Variants in FRMPD1 observed in about 807,000 individuals in gnomAD.
FRMPD1 encodes FERM and PDZ domain containing 1.
FRMPD1 carries 76 observed loss-of-function variants against 117.8 expected under a neutral mutation model. The observed-to-expected ratio is 0.65, with a 90% CI of 0.54 to 0.78. FRMPD1 has a LOEUF of 0.78. Ranked by LOEUF, FRMPD1 falls within the 30% of genes least tolerant of loss-of-function variation. The pLI is 0.00. For synonymous variants in FRMPD1, 783 were observed against 770.4 expected (o/e 1.02, Z -0.27); for missense variants, 1,786 against 1,964.5 (o/e 0.91, Z 1.72).
chr9:37,633,283 C>T, the FRMPD1 span, among the ~76,000 whole-genome samples: 9 of 152,146 alleles, frequency 5.9e-5, no homozygotes, highest in East Asian at 5.8e-4. Flanking sequence ...TCAAGTGATT[C>T]GCCCTCCTCA....
chr9:37,692,057 TAAG>T (rs1341232220), intron 1 of FRMPD1, among the ~76,000 whole-genome samples: 1 of 151,700 alleles, frequency 6.6e-6, no homozygotes, highest in Non-Finnish European at 1.5e-5. Context: ...TTTATTATGA[TAAG>T]AACACTTGAG....
chr9:37,722,976 C>T (rs1823463320), intron 6 of FRMPD1, among the ~76,000 whole-genome samples: 1 of 152,142 alleles, frequency 6.6e-6, no homozygotes, highest in Admixed American at 6.5e-5. Flanking sequence ...TGGCATGGGG[C>T]CACCCAACAC....
intron 1 of FRMPD1, among the ~76,000 whole-genome samples, chr9:37,665,101 A>C (rs901521022): frequency 6.6e-6 from 1 of 152,212 alleles, no homozygotes; most frequent in Non-Finnish European, 1.5e-5. Flanking sequence ...AATAAACAAT[A>C]ATGTTGTAGA....
In FRMPD1 at chr9:37,650,989, T is replaced by C. The variant is rs1309711365; in HGVS notation, c.-110T>C. 6.6e-6 allele frequency: 1 copy of C among 151,702 alleles called. No individual in the cohort carries two copies. Among genetic ancestry groups the C allele is most frequent in the Admixed American group, 6.6e-5 (1 of 15,244 alleles). The allele number at this position is 151,702 out of a possible 1,614,324, so 9.4% of individuals were successfully genotyped here. Reference sequence around the variant, plus strand: ...CGAGCCGAGCCCGAGCAGCGCTGCTTCCCGAGCCTTGGCCGCGACCGTGCC... The same window carrying C: ...CGAGCCGAGCCCGAGCAGCGCTGCTCCCCGAGCCTTGGCCGCGACCGTGCC... On this transcript the variant is annotated 5_prime_UTR_variant, in exon 1 of 16. Transcript: ENST00000377765.
intron 2 of FRMPD1, among the ~76,000 whole-genome samples, chr9:37,697,763 T>A (rs1227965688): frequency 3.3e-5 from 5 of 152,236 alleles, no homozygotes; most frequent in African/African-American, 1.2e-4. Flanking sequence ...TAGCTTCGTA[T>A]GACTACAGAA....
intron 1 of FRMPD1, among the ~76,000 whole-genome samples, chr9:37,680,312 C>T (rs533036217): frequency 5.9e-5 from 9 of 152,260 alleles, no homozygotes; most frequent in Non-Finnish European, 1.2e-4. Flanking sequence ...TTGTACCACA[C>T]GACACTCAAG....
chr9:37,653,519 A>G (rs952264956), intron 1 of FRMPD1, among the ~76,000 whole-genome samples: 3 of 152,168 alleles, frequency 2.0e-5, no homozygotes, highest in African/African-American at 7.2e-5. Flanking sequence ...TACTAACATC[A>G]ACAACAGGCA....
At chr9:37,704,532 A>G (rs771565494) in intron 2 of FRMPD1, among the ~76,000 whole-genome samples, 70 of 152,148 alleles carry the variant, frequency 4.6e-4, no homozygotes, top group Non-Finnish European at 9.4e-4. Flanking sequence ...CCCCAATTTG[A>G]AACCTGCTTC....
chr9:37,648,108 T>C (rs536044396), upstream of FRMPD1, among the ~76,000 whole-genome samples: 12 of 152,292 alleles, frequency 7.9e-5, no homozygotes, highest in African/African-American at 2.6e-4. Flanking sequence ...CCAGGAACTC[T>C]TATTTTTTAG....
At chr9:37,614,612 C>G in the FRMPD1 span, among the ~76,000 whole-genome samples, 1 of 152,142 alleles carries the variant, frequency 6.6e-6, no homozygotes, top group Non-Finnish European at 1.5e-5. Context: ...GCCCTTTGCC[C>G]CTGAGGTTCG....
chr9:37,668,920 A>C (rs62533872), intron 1 of FRMPD1, among the ~76,000 whole-genome samples: 11,569 of 152,252 alleles, frequency 0.076, 513 homozygotes, highest in African/African-American at 0.12. Flanking sequence ...ATACTTTTGG[A>C]ACTAACTTGC....
intron 1 of FRMPD1, among the ~76,000 whole-genome samples, chr9:37,680,952 G>A (rs1415436765): frequency 1.3e-5 from 2 of 152,172 alleles, no homozygotes; most frequent in South Asian, 2.1e-4. Flanking sequence ...GCTCATGCCT[G>A]TAATCCCAGC....
chr9:37,704,971 A>G (rs1215042596), intron 2 of FRMPD1, among the ~76,000 whole-genome samples: 2 of 152,084 alleles, frequency 1.3e-5, no homozygotes, highest in African/African-American at 4.8e-5. Flanking sequence ...ACATTAGTAC[A>G]CATCACTAGT....
the FRMPD1 span, among the ~76,000 whole-genome samples, chr9:37,603,584 G>T: frequency 6.6e-6 from 1 of 152,160 alleles, no homozygotes; most frequent in Non-Finnish European, 1.5e-5. Flanking sequence ...GAGCAGTTGT[G>T]ATTTATACTT....
chr9:37,647,873 A>G (rs1824171328), upstream of FRMPD1, among the ~76,000 whole-genome samples: 1 of 152,220 alleles, frequency 6.6e-6, no homozygotes, highest in Admixed American at 6.5e-5. Context: ...AAAACAAGGA[A>G]GCAATAATAG....
intron 10 of FRMPD1, among the ~76,000 whole-genome samples, chr9:37,732,691 G>A (rs1588966122): frequency 6.6e-6 from 1 of 152,348 alleles, no homozygotes; most frequent in East Asian, 1.9e-4. Context: ...GCCTGTTCCT[G>A]GGAAGATGTC....
At chr9:37,637,619 G>C in the FRMPD1 span, among the ~76,000 whole-genome samples, 1 of 152,162 alleles carries the variant, frequency 6.6e-6, no homozygotes, top group African/African-American at 2.4e-5. Context: ...TGGAATCATA[G>C]AGTATGTAGC....
chr9:37,709,291 T>A (rs955209409), intron 4 of FRMPD1, among the ~76,000 whole-genome samples: 1 of 151,906 alleles, frequency 6.6e-6, no homozygotes, highest in East Asian at 1.9e-4. Flanking sequence ...TATATATATA[T>A]AAAATTCAGT....
At chr9:37,613,154 G>C in the FRMPD1 span, among the ~76,000 whole-genome samples, 1 of 152,186 alleles carries the variant, frequency 6.6e-6, no homozygotes, top group South Asian at 2.1e-4. Flanking sequence ...TGCTAGAGGA[G>C]CCCAAATGTG....
Sources: gnomAD v4.1 joint callset for allele counts (sites outside exome capture counted in the v4.1 genomes callset) on GRCh38, gnomAD v4.1.1 for gene constraint, MANE v1.5 for transcripts, NCBI Gene and HGNC (gene_info 2026-07-23, HGNC 2026-07-21) for gene names.